The following DNASE1L1 variants were observed in gnomAD, a reference collection of about 807,000 sequenced individuals.
DNASE1L1 encodes deoxyribonuclease 1 like 1.
Under a neutral mutation model 18.6 loss-of-function variants are expected in DNASE1L1, and 8 were observed. The ratio of observed to expected loss-of-function variants is 0.43; its 90% confidence interval spans 0.25 to 0.78. DNASE1L1 has a LOEUF of 0.78. Ranked by LOEUF, DNASE1L1 falls within the 30% of genes least tolerant of loss-of-function variation. The probability of loss-of-function intolerance (pLI) is 0.23; values close to 1 mark genes in which losing one functional copy is unlikely to be tolerated. For missense variants in DNASE1L1, 214 were observed against 258.2 expected (o/e 0.83, Z 1.17); for synonymous variants, 114 against 114.2 (o/e 1.00, Z 0.01).
In DNASE1L1 at chrX:154,405,666, G is replaced by T; in HGVS notation, c.-87-11C>A. ...CTGGCTCTGGAAGCGCTGAAATATG[G>T]AACAGAGAAAGTGGCACTAGCTGCT... is the stretch of plus-strand genomic sequence containing the variant. On this transcript the variant is annotated splice_polypyrimidine_tract_variant and intron_variant, in intron 1 of 7. Coordinates refer to ENST00000369807, the MANE Select transcript of DNASE1L1 (RefSeq NM_001303620.2). The T allele has an allele frequency of 1.1e-6, 1 of 917,407 alleles. No homozygotes were observed. Among genetic ancestry groups the T allele is most frequent in the South Asian group, 3.7e-5 (1 of 26,924 alleles). The allele number at this position is 917,407 out of a possible 1,213,427, so 75.6% of individuals were successfully genotyped here.
chrX:154,404,064 G>A (rs781823827), intron 4 of DNASE1L1, among the ~76,000 whole-genome samples: 1 of 108,914 alleles, frequency 9.2e-6, no homozygotes, highest in African/African-American at 3.4e-5. Flanking sequence ...TGGCACGTCT[G>A]TGCTTCATTC....
In DNASE1L1 at chrX:154,403,014, C is replaced by T. The variant is rs1603371093; in HGVS notation, c.702G>A (p.Glu234=). Residue 234 remains glutamate, a synonymous_variant, in exon 7 of 8, where the codon GAG becomes GAA. Transcript: ENST00000369807. The part of the protein sequence containing the change: ...CTYDRVVLHG[E]RCRSLLHTAA... Reference sequence around the variant, plus strand: ...CAGTGTGCAGCAGACTCCGGCAGCGCTCCCCGTGCAGCACGACGCGGTCAT... The same window carrying T: ...CAGTGTGCAGCAGACTCCGGCAGCGTTCCCCGTGCAGCACGACGCGGTCAT... 2 of 1,211,848 alleles carry T rather than the reference C, an allele frequency of 1.7e-6. No individual in the cohort carries two copies. The highest frequency in any genetic ancestry group is 2.2e-6 in the Non-Finnish European group (2 of 895,624).
chrX:154,403,506 ACCCTT>A lies in DNASE1L1; in HGVS notation c.412+11_412+15del. ...CCTTCTGCTCCCACATACCAAGCCCACCCTTCCCTTCCTACCATTGCTGGGCAAAG... is the reference window on the plus strand; with the variant it reads ...CCTTCTGCTCCCACATACCAAGCCCACCCTTCCTACCATTGCTGGGCAAAG... On this transcript the variant is annotated intron_variant, in intron 5 of 7. Coordinates refer to ENST00000369807, the MANE Select transcript of DNASE1L1 (RefSeq NM_001303620.2). 1 of 1,206,915 alleles carries A rather than the reference ACCCTT, an allele frequency of 8.3e-7. No individual in the cohort carries two copies. The highest frequency in any genetic ancestry group is 2.2e-5 in the Admixed American group (1 of 45,959).
chrX:154,411,994 T>G, upstream of DNASE1L1: 1 of 1,199,103 alleles, frequency 8.3e-7, no homozygotes, highest in Non-Finnish European at 1.1e-6. Context: ...CGGGTACCCA[T>G]GCCCGGCCGG....
In DNASE1L1 at chrX:154,404,930, G is replaced by T; in HGVS notation, c.225-16C>A. 8.3e-7 allele frequency: 1 copy of T among 1,209,327 alleles called. No homozygotes were observed. Among genetic ancestry groups the T allele is most frequent in the Non-Finnish European group, 1.1e-6 (1 of 893,656 alleles). ...GCCATCAAATCTGCCAAGAAAAGGG[G>T]AGGCGGGGTCAGGGCCTCAAGCCTC... On this transcript the variant is annotated splice_polypyrimidine_tract_variant and intron_variant, in intron 3 of 7. Coordinates refer to ENST00000369807, the MANE Select transcript of DNASE1L1 (RefSeq NM_001303620.2).
chrX:154,407,898 T>C (rs1362919431), intron 1 of DNASE1L1, among the ~76,000 whole-genome samples: 1 of 104,580 alleles, frequency 9.6e-6, no homozygotes, highest in Non-Finnish European at 2.0e-5. Flanking sequence ...TCCGAGTAGA[T>C]GGGACTACAG....
upstream of DNASE1L1, among the ~76,000 whole-genome samples, chrX:154,411,297 G>A (rs1228555226): frequency 2.7e-5 from 3 of 111,955 alleles, no homozygotes; most frequent in Non-Finnish European, 3.8e-5. Flanking sequence ...GAGTCTGGGA[G>A]ATCGAGGCTG....
chrX:154,406,959 T>C (rs2068166293), intron 1 of DNASE1L1, among the ~76,000 whole-genome samples: 1 of 111,505 alleles, frequency 9.0e-6, no homozygotes, highest in Non-Finnish European at 1.9e-5. Context: ...GTAGTTCTAG[T>C]TTTAATTTTC....
chrX:154,403,358 G>A lies in DNASE1L1; in HGVS notation c.436C>T (p.Pro146Ser). ...SNVLPSLVLV[P>S]LHTTPKAVEK... ...ACGGCCTTAGGAGTGGTGTGCAGCG[G>A]GACCAACACCAGGCTGGGAAGGACT... is the stretch of plus-strand genomic sequence containing the variant. The change falls in exon 6 of 8, where the codon CCG becomes TCG. Residue 146 changes from proline (P) to serine (S), a missense_variant. Pro to Ser is a moderately conservative substitution (Grantham distance 74). Transcript: ENST00000369807. 44 of 1,211,477 alleles carry A rather than the reference G, an allele frequency of 3.6e-5. No homozygotes were observed. Among genetic ancestry groups the A allele is most frequent in the Non-Finnish European group, 4.9e-5 (44 of 895,390 alleles).
At chrX:154,404,026 A>G (rs974941826) in intron 4 of DNASE1L1, among the ~76,000 whole-genome samples, 1 of 109,012 alleles carries the variant, frequency 9.2e-6, no homozygotes, top group East Asian at 2.8e-4. Flanking sequence ...TCAGCTCATC[A>G]ATGTTTTCTG....
At chrX:154,403,963 T>A (rs781998304) in intron 4 of DNASE1L1, among the ~76,000 whole-genome samples, 52 of 108,839 alleles carry the variant, frequency 4.8e-4, no homozygotes, top group Non-Finnish European at 8.6e-4. Flanking sequence ...CAACCATTAA[T>A]CTGTTCTCTA....
rs73638276 is a variant in DNASE1L1 at position 154,401,576 on chromosome X, G to A, written c.*1131C>T. 8.9e-3 allele frequency: 1,004 copies of A among 113,006 alleles called. 8 individuals carry two copies. The highest frequency in any genetic ancestry group is 0.031 in the African/African-American group (936 of 30,641). The allele number at this position is 113,006 out of a possible 1,213,427, so 9.3% of individuals were successfully genotyped here. A position where few individuals can be genotyped will look rare whatever the true frequency, so the allele number is the denominator to read the frequency against. On this transcript the variant is annotated 3_prime_UTR_variant, in exon 8 of 8. Transcript: ENST00000369807. ...CTGACCTGAACTATTGTAGAACAGC[G>A]CTGGCTTTTGGGGGAGCAGCAAAAA...
upstream of DNASE1L1, chrX:154,409,489 C>G (rs1319763740): frequency 8.0e-6 from 1 of 125,515 alleles, no homozygotes; most frequent in Non-Finnish European, 1.6e-5. Context: ...GCTCGCCAGG[C>G]CCGTCGCTCA....
Position 154,402,522 on chromosome X carries a change from T to A in DNASE1L1, c.*185A>T. ...TGGCATGAGTGCAGGGCCCCTGGCT[T>A]CCTCTCCTAATCTAGGCACAAGCCC... On this transcript the variant is annotated 3_prime_UTR_variant, in exon 8 of 8. Transcript: ENST00000369807. 1 of 457,992 alleles carries A rather than the reference T, an allele frequency of 2.2e-6. No homozygotes were observed. The highest frequency in any genetic ancestry group is 3.6e-6 in the Non-Finnish European group (1 of 275,997). The allele number at this position is 457,992 out of a possible 1,213,427, so 37.7% of individuals were successfully genotyped here.
At position 154,401,472 on chromosome X, in the gene DNASE1L1, G is replaced by A. The variant is rs2068032588; in HGVS notation, c.*1235C>T. 1 of 127,156 alleles carries A rather than the reference G, an allele frequency of 7.9e-6. No homozygotes were observed. Among genetic ancestry groups the A allele is most frequent in the South Asian group, 2.6e-4 (1 of 3,856 alleles). 10.5% of individuals were successfully genotyped at this position (127,156 alleles called of 1,213,427 possible). A position where few individuals can be genotyped will look rare whatever the true frequency, so the allele number is the denominator to read the frequency against. On this transcript the variant is annotated 3_prime_UTR_variant, in exon 8 of 8. Coordinates refer to ENST00000369807, the MANE Select transcript of DNASE1L1 (RefSeq NM_001303620.2). Reference sequence around the variant, plus strand: ...CCTTCACCACCTGACCAAAGGTCTAGGCTAACCTTTGGTCATTTGTAACAA... The same window carrying A: ...CCTTCACCACCTGACCAAAGGTCTAAGCTAACCTTTGGTCATTTGTAACAA...
upstream of DNASE1L1, among the ~76,000 whole-genome samples, chrX:154,411,333 A>G (rs1445906972): frequency 8.9e-6 from 1 of 111,761 alleles, no homozygotes; most frequent in Non-Finnish European, 1.9e-5. Context: ...CCATCACTGC[A>G]CTCCAGCCTG....
In DNASE1L1 at chrX:154,405,021, G is replaced by A. The variant is rs1353294757; in HGVS notation, c.198C>T (p.Ile66=). ...QEVVDSSGSA[I]PLLLRELNRF... is the part of the protein sequence containing the mutation. ...GATTGAGTTCTCGAAGCAGGAGCGG[G>A]ATGGCGCTGCCGGAAGAGTCCACCA... Residue 66 remains isoleucine, a synonymous_variant, in exon 3 of 8, where the codon ATC becomes ATT. Coordinates refer to ENST00000369807, the MANE Select transcript of DNASE1L1 (RefSeq NM_001303620.2). 1 of 1,209,527 alleles carries A rather than the reference G, an allele frequency of 8.3e-7. No homozygotes were observed. Among genetic ancestry groups the A allele is most frequent in the African/African-American group, 1.7e-5 (1 of 57,305 alleles).
intron 1 of DNASE1L1, 147 bp from the exon 2 acceptor site, chrX:154,405,802 C>T (rs1244234391): frequency 7.9e-6 from 2 of 252,183 alleles, no homozygotes; most frequent in African/African-American, 5.8e-5. Flanking sequence ...GAGACAGAGT[C>T]TTGCTCTGTG....
At chrX:154,404,974 G>C (rs1557187986) in intron 3 of DNASE1L1, 21 bp downstream of exon 3, 1 of 1,206,033 alleles carries the variant, frequency 8.3e-7, no homozygotes, top group African/African-American at 1.7e-5. Flanking sequence ...CCCCTGATTA[G>C]ACCCACAGAA....
Sources: allele counts gnomAD v4.1 joint callset (sites outside exome capture counted in the v4.1 genomes callset), GRCh38; gene constraint gnomAD v4.1.1; transcripts MANE v1.5; gene names NCBI Gene and HGNC (gene_info 2026-07-23, HGNC 2026-07-21).